ATP11B: variants seen among roughly 807,000 people sequenced by gnomAD.
ATP11B encodes ATPase phospholipid transporting 11B (putative).
ATP11B carries 81 observed loss-of-function variants against 157.8 expected under a neutral mutation model. The ratio of observed to expected loss-of-function variants is 0.51; its 90% confidence interval spans 0.43 to 0.62. The LOEUF (loss-of-function observed/expected upper bound fraction) is 0.62. Ranked by LOEUF, ATP11B falls within the 20% of genes least tolerant of loss-of-function variation. The pLI is 0.00. For missense variants in ATP11B, 1,165 were observed against 1,402.2 expected (o/e 0.83, Z 2.70); for synonymous variants, 451 against 469.4 (o/e 0.96, Z 0.51).
chr3:182,864,989 C>T (rs967634792), intron 12 of ATP11B, among the ~76,000 whole-genome samples: 1 of 152,072 alleles, frequency 6.6e-6, no homozygotes, highest in African/African-American at 2.4e-5. Context: ...AGACAATTCG[C>T]ACCTCTAACT....
In ATP11B at chr3:182,884,761, G is replaced by A; in HGVS notation, c.2518G>A (p.Gly840Ser). 1 of 1,591,432 alleles carries A rather than the reference G, an allele frequency of 6.3e-7. No individual in the cohort carries two copies. The highest frequency in any genetic ancestry group is 8.5e-7 in the Non-Finnish European group (1 of 1,174,042). Residue 840 changes from glycine to serine, a missense_variant, in exon 22 of 30, where the codon GGT becomes AGT. Gly to Ser is a moderately conservative substitution (Grantham distance 56). Transcript: ENST00000323116. ...TGTCCCTTTTATTATAGGAATCATG[G>A]GTAAAGAAGGAAGACAGGCTGCAAG... ...QEAHVGIGIMGKEGRQAARNS... is the reference protein window; with the variant it reads ...QEAHVGIGIMSKEGRQAARNS...
chr3:182,889,816 CT>C (rs753830127), intron 25 of ATP11B, among the ~76,000 whole-genome samples: 17 of 152,266 alleles, frequency 1.1e-4, no homozygotes, highest in Middle Eastern at 3.4e-3. Flanking sequence ...GTTATTGCCC[CT>C]GCATGCTCTT....
chr3:182,862,591 C>A (rs1374828497), intron 12 of ATP11B, among the ~76,000 whole-genome samples: 1 of 152,134 alleles, frequency 6.6e-6, no homozygotes, highest in African/African-American at 2.4e-5. Flanking sequence ...TTAAACTACT[C>A]CTGATAGCTT....
At position 182,829,767 on chromosome 3, in the gene ATP11B, CTTTT is replaced by C; in HGVS notation, c.315+19_315+22del. 6.4e-7 allele frequency: 1 copy of C among 1,563,404 alleles called. No homozygotes were observed. The highest frequency in any genetic ancestry group is 1.2e-5 in the South Asian group (1 of 84,994). On this transcript the variant is annotated intron_variant, in intron 4 of 29. Coordinates refer to ENST00000323116, the MANE Select transcript of ATP11B (RefSeq NM_014616.3). ...CCATAAAGCAGGTATGAAATACTTT[CTTTT>C]TTTAATTTTCCTCTAAGTCATTTAG...
intron 10 of ATP11B, among the ~76,000 whole-genome samples, chr3:182,854,060 T>C (rs73050666): frequency 0.12 from 18,503 of 152,262 alleles, 1,277 homozygotes; most frequent in African/African-American, 0.18. Flanking sequence ...CTACAAATGA[T>C]GCAGCAATTG....
At chr3:182,807,543 T>C (rs920397049) in intron 1 of ATP11B, among the ~76,000 whole-genome samples, 1 of 152,174 alleles carries the variant, frequency 6.6e-6, no homozygotes, top group Non-Finnish European at 1.5e-5. Flanking sequence ...TTTAAATTCC[T>C]TGGGAGCTCA....
intron 24 of ATP11B, among the ~76,000 whole-genome samples, 195 bp from the exon 25 acceptor site, chr3:182,889,215 A>G (rs954445173): frequency 6.6e-6 from 1 of 152,204 alleles, no homozygotes; most frequent in Non-Finnish European, 1.5e-5. Context: ...TGTGAACTAT[A>G]AGCTATTAAA....
chr3:182,884,605 A>ATT, intron 21 of ATP11B, 148 bp from the exon 22 acceptor site: 1 of 624,778 alleles, frequency 1.6e-6, no homozygotes, highest in South Asian at 3.4e-5. Context: ...TAAGTAGAAC[A>ATT]ACCTTTTGGA....
chr3:182,906,123 T>C (rs1236453590), intron 28 of ATP11B, among the ~76,000 whole-genome samples: 3 of 152,242 alleles, frequency 2.0e-5, no homozygotes, highest in Admixed American at 6.5e-5. Flanking sequence ...TGTCAATCTC[T>C]CTTTAGAGTT....
intron 15 of ATP11B, 118 bp downstream of exon 15, chr3:182,867,562 G>A: frequency 9.5e-6 from 4 of 419,664 alleles, no homozygotes; most frequent in Non-Finnish European, 1.7e-5. Flanking sequence ...TTTTTCTACA[G>A]CCCACAAGTC....
chr3:182,819,469 A>C (rs1717189113), intron 1 of ATP11B, among the ~76,000 whole-genome samples: 1 of 152,214 alleles, frequency 6.6e-6, no homozygotes, highest in Non-Finnish European at 1.5e-5. Context: ...CAGTCCTCTA[A>C]GAATAAAGTT....
intron 10 of ATP11B, among the ~76,000 whole-genome samples, chr3:182,849,066 G>T (rs1230993107): frequency 1.3e-5 from 2 of 152,206 alleles, no homozygotes; most frequent in East Asian, 3.8e-4. Flanking sequence ...AGAGCAGCTG[G>T]AAAGTTAGGG....
chr3:182,868,940 A>G (rs1485041754), intron 15 of ATP11B, 138 bp from the exon 16 acceptor site: 1 of 579,328 alleles, frequency 1.7e-6, no homozygotes, highest in East Asian at 2.9e-5. Flanking sequence ...ATGGCATGTA[A>G]CCTATCATCA....
chr3:182,836,590 T>A, intron 6 of ATP11B, 120 bp downstream of exon 6: 1 of 1,156,682 alleles, frequency 8.6e-7, no homozygotes, highest in Non-Finnish European at 1.2e-6. Context: ...TTTTTAAAAT[T>A]ACTATTTCAA....
chr3:182,920,238 G>A lies in ATP11B; in HGVS notation c.*2134G>A, dbSNP rs1434505824. The A allele has an allele frequency of 1.3e-5, 2 of 152,312 alleles. No homozygotes were observed. The highest frequency in any genetic ancestry group is 4.8e-5 in the African/African-American group (2 of 41,558). The allele number at this position is 152,312 out of a possible 1,614,324, so 9.4% of individuals were successfully genotyped here. On this transcript the variant is annotated 3_prime_UTR_variant, in exon 30 of 30. Transcript: ENST00000323116. ...ATGTAATTTTCTGTACTCACCATTT[G>A]AAGTTAGTTAAGGAGAACTTTATTT...
At chr3:182,841,658 C>T (rs1040885867) in intron 7 of ATP11B, among the ~76,000 whole-genome samples, 10 of 152,014 alleles carry the variant, frequency 6.6e-5, no homozygotes, top group Non-Finnish European at 1.2e-4. Context: ...TTCATATATA[C>T]AAATGGTTGA....
intron 10 of ATP11B, 100 bp from the exon 11 acceptor site, chr3:182,857,778 T>G (rs1444444687): frequency 2.9e-6 from 2 of 687,716 alleles, no homozygotes. Context: ...TAATACCCTC[T>G]ATGTTTTAAT....
At position 182,896,737 on chromosome 3, in the gene ATP11B, C is replaced by T; in HGVS notation, c.3020C>T (p.Thr1007Ile). 6.2e-7 allele frequency: 1 copy of T among 1,613,172 alleles called. No individual in the cohort carries two copies. The highest frequency in any genetic ancestry group is 8.5e-7 in the Non-Finnish European group (1 of 1,179,372). ...GNWTFGTLVF[T>I]VMVITVTVKM... ...TGGACATTTGGCACTTTGGTCTTCACAGTCATGGTTATTACAGTCACAGTA... is the reference window on the plus strand; with the variant it reads ...TGGACATTTGGCACTTTGGTCTTCATAGTCATGGTTATTACAGTCACAGTA... The change falls in exon 26 of 30, where the codon ACA becomes ATA. Residue 1007 changes from threonine to isoleucine, a missense_variant. By Grantham distance (89) the Thr-to-Ile change is moderately conservative. Coordinates refer to ENST00000323116, the MANE Select transcript of ATP11B (RefSeq NM_014616.3).
rs572342631 is a variant in ATP11B, at chr3:182,918,610, T to A, written c.*506T>A. The A allele has an allele frequency of 8.1e-6, 3 of 369,698 alleles. No homozygotes were observed. Among genetic ancestry groups the A allele is most frequent in the South Asian group, 1.5e-4 (1 of 6,814 alleles). 22.9% of individuals were successfully genotyped at this position (369,698 alleles called of 1,614,324 possible). On this transcript the variant is annotated 3_prime_UTR_variant, in exon 30 of 30. Transcript: ENST00000323116. Reference sequence around the variant, plus strand: ...TAATGTGAATACTGAGGAATTTTGGTCCCTCAGTGACCTGTGTTGTTAATT... The same window carrying A: ...TAATGTGAATACTGAGGAATTTTGGACCCTCAGTGACCTGTGTTGTTAATT...
Sources: allele counts gnomAD v4.1 joint callset (sites outside exome capture counted in the v4.1 genomes callset), GRCh38; gene constraint gnomAD v4.1.1; transcripts MANE v1.5; gene names NCBI Gene and HGNC (gene_info 2026-07-23, HGNC 2026-07-21).